Variants in HSD17B8 observed in about 807,000 individuals in gnomAD.
The protein encoded by HSD17B8 is hydroxysteroid 17-beta dehydrogenase 8.
A neutral mutation model predicts 33.2 loss-of-function variants in HSD17B8; 23 were observed. That is an observed-to-expected ratio of 0.69 (90% CI 0.50 to 0.98). The LOEUF is 0.98. Ranked by LOEUF, HSD17B8 falls within the 50% of genes least tolerant of loss-of-function variation. The pLI, the probability that HSD17B8 is intolerant of heterozygous loss-of-function variation, is 0.00. For synonymous variants in HSD17B8, 137 were observed against 138.6 expected (o/e 0.99, Z 0.08); for missense variants, 345 against 347.5 (o/e 0.99, Z 0.06).
chr6:33,204,916 A>G lies in HSD17B8; in HGVS notation c.67A>G (p.Ile23Val). ...TCCTACCTCAGGTGCGGGGAGCGGC[A>G]TCGGCCGAGCGGTCAGTGTACGCCT... Reference protein sequence around the residue: ...LALVTGAGSGIGRAVSVRLAG... With the variant: ...LALVTGAGSGVGRAVSVRLAG... The change falls in exon 2 of 9, where the codon ATC becomes GTC. Residue 23 changes from isoleucine to valine, a missense_variant. Ile to Val is a conservative substitution (Grantham distance 29). Coordinates refer to ENST00000374662, the MANE Select transcript of HSD17B8 (RefSeq NM_014234.5). 2 of 1,464,994 alleles carry G rather than the reference A, an allele frequency of 1.4e-6. No homozygotes were observed. The highest frequency in any genetic ancestry group is 1.8e-6 in the Non-Finnish European group (2 of 1,109,108). 90.7% of individuals were successfully genotyped at this position (1,464,994 alleles called of 1,614,324 possible).
In HSD17B8 at chr6:33,206,065, G is replaced by A. The variant is rs439205; in HGVS notation, c.652-69G>A. ...ATGTATGAGAAATGAAGACAAAAAA[G>A]GGTCACAGACTCAGTCTTCAAAAAA... is the stretch of plus-strand genomic sequence containing the variant. On this transcript the variant is annotated intron_variant, in intron 6 of 8. Coordinates refer to ENST00000374662, the MANE Select transcript of HSD17B8 (RefSeq NM_014234.5). This position sits in a 1 kb window ranked among gnomAD's most constrained non-coding sequence, Gnocchi z 6.2. 396,029 of 1,529,484 alleles carry A rather than the reference G, an allele frequency of 0.26. 56,354 individuals carry two copies. Among genetic ancestry groups the A allele is most frequent in the East Asian group, 0.65 (28,609 of 44,260 alleles). The allele number at this position is 1,529,484 out of a possible 1,614,324, so 94.7% of individuals were successfully genotyped here.
Position 33,206,739 on chromosome 6 carries a change from C to A in HSD17B8, c.*85C>A. The A allele has an allele frequency of 1.4e-6, 2 of 1,385,786 alleles. No individual in the cohort carries two copies. Among genetic ancestry groups the A allele is most frequent in the Non-Finnish European group, 2.1e-6 (2 of 972,334 alleles). The allele number at this position is 1,385,786 out of a possible 1,614,324, so 85.8% of individuals were successfully genotyped here. ...ATGAGGACTCTAAGTTCCCAGGATA[C>A]AAAAGGGGTGGCAGTGTATGGTTCA... On this transcript the variant is annotated 3_prime_UTR_variant, in exon 9 of 9. Transcript: ENST00000374662. This position sits in a 1 kb window ranked among gnomAD's most constrained non-coding sequence, Gnocchi z 6.2.
chr6:33,205,438 TC>T lies in HSD17B8; in HGVS notation c.388-6del. On this transcript the variant is annotated splice_polypyrimidine_tract_variant and splice_region_variant and intron_variant, in intron 3 of 8. Coordinates refer to ENST00000374662, the MANE Select transcript of HSD17B8 (RefSeq NM_014234.5). The surrounding 1 kb of genome is among the most constrained non-coding windows in gnomAD (Gnocchi z 5.0). ...TGATCTTTTCTCCCTTGTTACCCTT[TC>T]CCGCCAGGGCACCTTCCTAGTCACT... 1.2e-6 allele frequency: 2 copies of T among 1,612,926 alleles called. No homozygotes were observed. Among genetic ancestry groups the T allele is most frequent in the Middle Eastern group, 1.6e-4 (1 of 6,062 alleles).
chr6:33,204,856 C>T, intron 1 of HSD17B8, 46 bp from the exon 2 acceptor site: 1 of 1,494,698 alleles, frequency 6.7e-7, no homozygotes, highest in Non-Finnish European at 8.9e-7. Flanking sequence ...CTGATCCCTG[C>T]CCTCTCCTCC....
At position 33,206,397 on chromosome 6, in the gene HSD17B8, C is replaced by T; in HGVS notation, c.717C>T (p.Phe239=). 1.2e-6 allele frequency: 2 copies of T among 1,613,958 alleles called. No individual in the cohort carries two copies. The highest frequency in any genetic ancestry group is 1.7e-5 in the Admixed American group (1 of 60,026). ...TAGATGTGGCAGATGTGGTCGCATTCTTGGCATCTGAAGATAGTGGATACA... is the reference window on the plus strand; with the variant it reads ...TAGATGTGGCAGATGTGGTCGCATTTTTGGCATCTGAAGATAGTGGATACA... ...DPEDVADVVA[F]LASEDSGYIT... Residue 239 remains phenylalanine, a synonymous_variant, in exon 8 of 9, where the codon TTC becomes TTT. Transcript: ENST00000374662. This position sits in a 1 kb window ranked among gnomAD's most constrained non-coding sequence, Gnocchi z 6.2.
rs111231091 is a variant in HSD17B8 at position 33,205,330 on chromosome 6, A to G, written c.380A>G (p.Asn127Ser). Residue 127 changes from asparagine to serine, a missense_variant, in exon 3 of 9, where the codon AAC (asparagine) becomes AGC (serine). Physicochemically the swap from Asn to Ser is conservative, Grantham distance 46 (BLOSUM62 1). Transcript: ENST00000374662. This position sits in a 1 kb window ranked among gnomAD's most constrained non-coding sequence, Gnocchi z 5.0. ...GACTGGGACAAAGTCATAGCTGTCA[A>G]CCTCAAGGTGGCGATCTCTGAACCT... ...EDDWDKVIAVNLKGTFLVTQA... is the reference protein window; with the variant it reads ...EDDWDKVIAVSLKGTFLVTQA... 10 of 1,612,948 alleles carry G rather than the reference A, an allele frequency of 6.2e-6. No individual in the cohort carries two copies. Among genetic ancestry groups the G allele is most frequent in the South Asian group, 1.1e-5 (1 of 91,066 alleles).
Position 33,205,261 on chromosome 6 carries a change from C to T in HSD17B8, c.311C>T (p.Ala104Val), listed in dbSNP as rs144457204. Reference sequence around the variant, plus strand: ...CCACCATCTGTCGTTGTGTCCTGTGCGGGCATCACCCAGGATGAGTTTCTG... The same window carrying T: ...CCACCATCTGTCGTTGTGTCCTGTGTGGGCATCACCCAGGATGAGTTTCTG... Reference protein sequence around the residue: ...SRPPSVVVSCAGITQDEFLLH... With the variant: ...SRPPSVVVSCVGITQDEFLLH... Residue 104 changes from alanine (A) to valine (V), a missense_variant, in exon 3 of 9, where the codon GCG becomes GTG. By Grantham distance (64) the Ala-to-Val change is moderately conservative. Transcript: ENST00000374662. The surrounding 1 kb of genome is among the most constrained non-coding windows in gnomAD (Gnocchi z 5.0). 82 of 1,612,824 alleles carry T rather than the reference C, an allele frequency of 5.1e-5. No homozygotes were observed. The African/African-American group carries it at 1.1e-3, about 21-fold the overall frequency.
In HSD17B8 at chr6:33,206,068, TCA is replaced by T; in HGVS notation, c.652-63_652-62del. 1 of 1,548,956 alleles carries T rather than the reference TCA, an allele frequency of 6.5e-7. No homozygotes were observed. Among genetic ancestry groups the T allele is most frequent in the East Asian group, 2.3e-5 (1 of 44,418 alleles). On this transcript the variant is annotated intron_variant, in intron 6 of 8. Coordinates refer to ENST00000374662, the MANE Select transcript of HSD17B8 (RefSeq NM_014234.5). The surrounding 1 kb of genome is among the most constrained non-coding windows in gnomAD (Gnocchi z 6.2). ...TATGAGAAATGAAGACAAAAAAGGGTCACAGACTCAGTCTTCAAAAAAATCCA... is the reference window on the plus strand; with the variant it reads ...TATGAGAAATGAAGACAAAAAAGGGTCAGACTCAGTCTTCAAAAAAATCCA...
At chr6:33,204,864 T>G in intron 1 of HSD17B8, 38 bp from the exon 2 acceptor site, 2 of 1,491,104 alleles carry the variant, frequency 1.3e-6, no homozygotes, top group Non-Finnish European at 1.8e-6. Context: ...TGCCCTCTCC[T>G]CCCCGTGCCC....
At position 33,206,006 on chromosome 6, in the gene HSD17B8, G is replaced by C; in HGVS notation, c.651+94G>C. The C allele has an allele frequency of 7.9e-7, 1 of 1,272,788 alleles. No individual in the cohort carries two copies. The highest frequency in any genetic ancestry group is 1.1e-6 in the Non-Finnish European group (1 of 891,316). 78.8% of individuals were successfully genotyped at this position (1,272,788 alleles called of 1,614,324 possible). A position where few individuals can be genotyped will look rare whatever the true frequency, so the allele number is the denominator to read the frequency against. On this transcript the variant is annotated intron_variant, in intron 6 of 8. Coordinates refer to ENST00000374662, the MANE Select transcript of HSD17B8 (RefSeq NM_014234.5). This position sits in a 1 kb window ranked among gnomAD's most constrained non-coding sequence, Gnocchi z 6.2. ...GAGAGAGAGAGAGAGAGAATACTGG[G>C]CACAGTTCCTGGCAAACATTAAATA...
chr6:33,205,885 G>A lies in HSD17B8; in HGVS notation c.624G>A (p.Gln208=), dbSNP rs1432075806. 2 of 1,612,934 alleles carry A rather than the reference G, an allele frequency of 1.2e-6. No individual in the cohort carries two copies. Among genetic ancestry groups the A allele is most frequent in the Admixed American group, 1.7e-5 (1 of 60,018 alleles). The part of the protein sequence containing the change: ...LPGFIATPMT[Q]KVPQKVVDKI... ...GGTTCATTGCAACACCCATGACACA[G>A]AAAGTGCCACAGAAAGTGGTGGACA... The change falls in exon 6 of 9, where the codon CAG becomes CAA. Residue 208 remains glutamine, a synonymous_variant. Coordinates refer to ENST00000374662, the MANE Select transcript of HSD17B8 (RefSeq NM_014234.5). This position sits in a 1 kb window ranked among gnomAD's most constrained non-coding sequence, Gnocchi z 5.0.
At position 33,206,590 on chromosome 6, in the gene HSD17B8, T is replaced by C. The variant is rs1428099782; in HGVS notation, c.770-48T>C. 1 of 1,609,540 alleles carries C rather than the reference T, an allele frequency of 6.2e-7. No individual in the cohort carries two copies. The highest frequency in any genetic ancestry group is 8.5e-7 in the Non-Finnish European group (1 of 1,175,972). ...ACAGAAGTGGGTACCCCCTAGCCCA[T>C]TTGTGTCTCCACCCATGCATCTGTC... On this transcript the variant is annotated intron_variant, in intron 8 of 8. Transcript: ENST00000374662. The surrounding 1 kb of genome is among the most constrained non-coding windows in gnomAD (Gnocchi z 6.2).
chr6:33,206,327 G>A lies in HSD17B8; in HGVS notation c.695-48G>A. On this transcript the variant is annotated intron_variant, in intron 7 of 8. Transcript: ENST00000374662. The surrounding 1 kb of genome is among the most constrained non-coding windows in gnomAD (Gnocchi z 6.2). ...TGGTGGGAGATTATGGCTGTTTTGGGTCTATGGGAGTGAGCAGAATTCTGC... is the reference window on the plus strand; with the variant it reads ...TGGTGGGAGATTATGGCTGTTTTGGATCTATGGGAGTGAGCAGAATTCTGC... 6.3e-7 allele frequency: 1 copy of A among 1,591,480 alleles called. No homozygotes were observed. Among genetic ancestry groups the A allele is most frequent in the Non-Finnish European group, 8.6e-7 (1 of 1,160,644 alleles).
chr6:33,206,270 T>A lies in HSD17B8; in HGVS notation c.694+94T>A. ...TTTTCTAGGGGACTGGTGGTTGGTGTCTGTGGAGAGGTTTGTGGGGAGGGA... is the reference window on the plus strand; with the variant it reads ...TTTTCTAGGGGACTGGTGGTTGGTGACTGTGGAGAGGTTTGTGGGGAGGGA... On this transcript the variant is annotated intron_variant, in intron 7 of 8. Coordinates refer to ENST00000374662, the MANE Select transcript of HSD17B8 (RefSeq NM_014234.5). This position sits in a 1 kb window ranked among gnomAD's most constrained non-coding sequence, Gnocchi z 6.2. 8 of 1,554,832 alleles carry A rather than the reference T, an allele frequency of 5.1e-6. No homozygotes were observed. Among genetic ancestry groups the A allele is most frequent in the African/African-American group, 1.4e-5 (1 of 73,678 alleles).
In HSD17B8 at chr6:33,204,708, G is replaced by T. The variant is rs958591184; in HGVS notation, c.40G>T (p.Ala14Ser). The change falls in exon 1 of 9, where the codon GCC becomes TCC. Residue 14 changes from alanine to serine, a missense_variant. Transcript: ENST00000374662. Reference protein sequence around the residue: ...QLQNRLRSALALVTGAGSGIG... With the variant: ...QLQNRLRSALSLVTGAGSGIG... The stretch of plus-strand genomic sequence containing the variant: ...CCAGAACCGACTCCGCTCCGCACTG[G>T]CCTTGGTCACAGGTTGAGGGGGTTC... The T allele has an allele frequency of 6.2e-7, 1 of 1,613,084 alleles. No individual in the cohort carries two copies. Among genetic ancestry groups the T allele is most frequent in the Admixed American group, 1.7e-5 (1 of 60,028 alleles).
Position 33,204,923 on chromosome 6 carries a change from G to A in HSD17B8, c.74G>A (p.Arg25Gln), listed in dbSNP as rs1265767096. 4 of 1,464,836 alleles carry A rather than the reference G, an allele frequency of 2.7e-6. No homozygotes were observed. Among genetic ancestry groups the A allele is most frequent in the East Asian group, 4.9e-5 (2 of 40,426 alleles). 90.7% of individuals were successfully genotyped at this position (1,464,836 alleles called of 1,614,324 possible). A position where few individuals can be genotyped will look rare whatever the true frequency, so the allele number is the denominator to read the frequency against. The change falls in exon 2 of 9, where the codon CGA becomes CAA. Residue 25 changes from arginine (R) to glutamine (Q), a missense_variant. Transcript: ENST00000374662. ...LVTGAGSGIG[R>Q]AVSVRLAGEG... ...TCAGGTGCGGGGAGCGGCATCGGCCGAGCGGTCAGTGTACGCCTGGCCGGA... is the reference window on the plus strand; with the variant it reads ...TCAGGTGCGGGGAGCGGCATCGGCCAAGCGGTCAGTGTACGCCTGGCCGGA...
Position 33,205,024 on chromosome 6 carries a change from G to C in HSD17B8, c.175G>C (p.Gly59Arg). The C allele has an allele frequency of 2.0e-6, 3 of 1,531,722 alleles. No individual in the cohort carries two copies. Among genetic ancestry groups the C allele is most frequent in the Non-Finnish European group, 2.6e-6 (3 of 1,144,206 alleles). 94.9% of individuals were successfully genotyped at this position (1,531,722 alleles called of 1,614,324 possible). A position where few individuals can be genotyped will look rare whatever the true frequency, so the allele number is the denominator to read the frequency against. ...GACGGTGCGGCTGCTGGGCGGGCCA[G>C]GGAGCAAGGAGGGGCCGCCCCGAGG... ...QETVRLLGGP[G>R]SKEGPPRGNH... The change falls in exon 2 of 9, where the codon GGG becomes CGG. Residue 59 changes from glycine (G) to arginine (R), a missense_variant. By Grantham distance (125) the Gly-to-Arg change is moderately radical. Transcript: ENST00000374662. The surrounding 1 kb of genome is among the most constrained non-coding windows in gnomAD (Gnocchi z 5.0).
rs1562439997 is a variant in HSD17B8, at chr6:33,205,146, T to C, written c.270+27T>C. On this transcript the variant is annotated intron_variant, in intron 2 of 8. Transcript: ENST00000374662. The surrounding 1 kb of genome is among the most constrained non-coding windows in gnomAD (Gnocchi z 5.0). ...TGAACGCTAGGCCACTTTCCCCCTCTAAAGCTCTGATATTGCCTCCACTGC... is the reference window on the plus strand; with the variant it reads ...TGAACGCTAGGCCACTTTCCCCCTCCAAAGCTCTGATATTGCCTCCACTGC... 2 of 1,592,534 alleles carry C rather than the reference T, an allele frequency of 1.3e-6. No homozygotes were observed. The highest frequency in any genetic ancestry group is 1.1e-5 in the South Asian group (1 of 87,842).
At position 33,204,677 on chromosome 6, in the gene HSD17B8, T is replaced by C. The variant is rs780803866; in HGVS notation, c.9T>C (p.Ser3=). 21 of 1,611,514 alleles carry C rather than the reference T, an allele frequency of 1.3e-5. No individual in the cohort carries two copies. In the South Asian group the frequency reaches 1.3e-4, roughly 10 times the overall value. Residue 3 remains serine (S), a synonymous_variant, in exon 1 of 9, where the codon TCT becomes TCC. Coordinates refer to ENST00000374662, the MANE Select transcript of HSD17B8 (RefSeq NM_014234.5). MA[S]QLQNRLRSAL... is the part of the protein sequence containing the mutation. Reference sequence around the variant, plus strand: ...CCCACCCACAGCCCGCCATGGCGTCTCAGCTCCAGAACCGACTCCGCTCCG... The same window carrying C: ...CCCACCCACAGCCCGCCATGGCGTCCCAGCTCCAGAACCGACTCCGCTCCG...
Sources: allele counts gnomAD v4.1 joint callset, GRCh38; gene constraint gnomAD v4.1.1; non-coding constraint Gnocchi (gnomAD v3.1); transcripts MANE v1.5; gene names NCBI Gene and HGNC (gene_info 2026-07-23, HGNC 2026-07-21).